Variants in GSPT1 observed in about 807,000 individuals in gnomAD.
GSPT1 encodes G1 to S phase transition 1, also known as eukaryotic peptide chain release factor GTP-binding subunit ERF3A.
Under a neutral mutation model 72.5 loss-of-function variants are expected in GSPT1, and 20 were observed. The observed-to-expected ratio is 0.28, with a 90% CI of 0.19 to 0.40. The LOEUF (loss-of-function observed/expected upper bound fraction) is 0.40. Ranked by LOEUF, GSPT1 falls within the 10% of genes least tolerant of loss-of-function variation. The pLI, the probability that GSPT1 is intolerant of heterozygous loss-of-function variation, is 1.00. For synonymous variants in GSPT1, 334 were observed against 293.5 expected (o/e 1.14, Z -1.41); for missense variants, 580 against 811.9 (o/e 0.71, Z 3.47).
Position 11,870,145 on chromosome 16 carries a change from CTCAG to C in GSPT1, c.*2970_*2973del, listed in dbSNP as rs1166508736. 1.3e-5 allele frequency: 2 copies of C among 151,964 alleles called. No homozygotes were observed. The highest frequency in any genetic ancestry group is 2.4e-5 in the African/African-American group (1 of 41,388). 9.4% of individuals were successfully genotyped at this position (151,964 alleles called of 1,614,324 possible). On this transcript the variant is annotated 3_prime_UTR_variant, in exon 15 of 15. Coordinates refer to ENST00000434724, the MANE Select transcript of GSPT1 (RefSeq NM_002094.4). The stretch of plus-strand genomic sequence containing the variant: ...AAAAAAAAATACATGGGCTTAATTA[CTCAG>C]TAACACTTTACTATTTGTCACTTAA...
At chr16:11,909,071 G>A (rs1411156796) in intron 1 of GSPT1, among the ~76,000 whole-genome samples, 1 of 150,684 alleles carries the variant, frequency 6.6e-6, no homozygotes, top group African/African-American at 2.4e-5. Context: ...AAATTACCCA[G>A]TGACATTCTG....
Position 11,898,032 on chromosome 16 carries a change from G to C in GSPT1, c.356C>G (p.Pro119Arg), listed in dbSNP as rs1388855357. Residue 119 changes from proline to arginine, a missense_variant, in exon 2 of 15, where the codon CCT becomes CGT. Physicochemically the swap from Pro to Arg is moderately radical, Grantham distance 103. Around this residue, in one of 6 missense-constraint regions of GSPT1, gnomAD observed 327 missense variants for 298.8 expected, o/e 1.09. Coordinates refer to ENST00000434724, the MANE Select transcript of GSPT1 (RefSeq NM_002094.4). ...AGSGAGGRAA[P>R]VESSQEEQSL... ...CTGTTCCTCTTGAGAGGATTCCACA[G>C]GTGCTGTTTAACAGAAAGAAGTTCT... is the stretch of plus-strand genomic sequence containing the variant. 7 of 1,541,752 alleles carry C rather than the reference G, an allele frequency of 4.5e-6. No homozygotes were observed. Among genetic ancestry groups the C allele is most frequent in the Non-Finnish European group, 5.3e-6 (6 of 1,137,036 alleles).
In GSPT1 at chr16:11,871,228, A is replaced by G. The variant is rs1208592741; in HGVS notation, c.*1891T>C. The G allele has an allele frequency of 6.6e-6, 1 of 152,206 alleles. No individual in the cohort carries two copies. The highest frequency in any genetic ancestry group is 1.5e-5 in the Non-Finnish European group (1 of 68,036). The allele number at this position is 152,206 out of a possible 1,614,324, so 9.4% of individuals were successfully genotyped here. A position where few individuals can be genotyped will look rare whatever the true frequency, so the allele number is the denominator to read the frequency against. On this transcript the variant is annotated 3_prime_UTR_variant, in exon 15 of 15. Transcript: ENST00000434724. Reference sequence around the variant, plus strand: ...GTAGGACAATAACTTTGCTCTGTCCATAAGATGTAGCCTCATTCAAGAAAT... The same window carrying G: ...GTAGGACAATAACTTTGCTCTGTCCGTAAGATGTAGCCTCATTCAAGAAAT...
At chr16:11,902,215 T>C (rs1204498461) in intron 1 of GSPT1, among the ~76,000 whole-genome samples, 1 of 150,640 alleles carries the variant, frequency 6.6e-6, no homozygotes, top group Non-Finnish European at 1.5e-5. Flanking sequence ...ACCCTGTCTC[T>C]ACTAAAAATA....
At position 11,915,935 on chromosome 16, in the gene GSPT1, C is replaced by T. The variant is rs766695081; in HGVS notation, c.-215G>A. ...GAGGCGGCGGCGGCGGCAGCTCAAC[C>T]CTCCTCCTCGTGTGTGTGAGCGGAT... On this transcript the variant is annotated 5_prime_UTR_variant, in exon 1 of 15. Coordinates refer to ENST00000434724, the MANE Select transcript of GSPT1 (RefSeq NM_002094.4). 5.6e-5 allele frequency: 42 copies of T among 754,436 alleles called. 1 individual carries two copies. The East Asian group carries it at 9.0e-4, about 16-fold the overall frequency. The allele number at this position is 754,436 out of a possible 1,614,324, so 46.7% of individuals were successfully genotyped here.
At chr16:11,911,888 A>G (rs190461) in intron 1 of GSPT1, among the ~76,000 whole-genome samples, 27,676 of 75,546 alleles carry the variant, frequency 0.37, 4,896 homozygotes, top group East Asian at 0.7. Context: ...TTTTTTGTGG[A>G]GACAGGGTCT....
intron 1 of GSPT1, 189 bp downstream of exon 1, chr16:11,915,180 G>A: frequency 9.6e-7 from 1 of 1,045,798 alleles, no homozygotes; most frequent in Non-Finnish European, 1.1e-6. Context: ...CTCCCCGCCC[G>A]GCCACCGCCG....
intron 1 of GSPT1, among the ~76,000 whole-genome samples, chr16:11,906,037 G>C (rs2054484977): frequency 6.6e-6 from 1 of 151,994 alleles, no homozygotes; most frequent in Non-Finnish European, 1.5e-5. Context: ...GTTTTCCTTT[G>C]ATTTTCACAC....
intron 1 of GSPT1, among the ~76,000 whole-genome samples, chr16:11,906,851 T>C (rs2054496401): frequency 6.6e-6 from 1 of 152,158 alleles, no homozygotes; most frequent in African/African-American, 2.4e-5. Context: ...ATTTTTTTAA[T>C]GTAAATCCCT....
intron 1 of GSPT1, among the ~76,000 whole-genome samples, chr16:11,904,689 A>C (rs1258781880): frequency 6.6e-6 from 1 of 152,114 alleles, no homozygotes; most frequent in African/African-American, 2.4e-5. Context: ...GTTTTGATTC[A>C]AGTTACATGT....
At chr16:11,889,248 C>A (rs1403274979) in intron 6 of GSPT1, among the ~76,000 whole-genome samples, 1 of 150,052 alleles carries the variant, frequency 6.7e-6, no homozygotes, top group Non-Finnish European at 1.5e-5. Context: ...GTGGAGCTTG[C>A]AGTGAGTGGA....
At chr16:11,893,083 G>C (rs1220424745) in intron 5 of GSPT1, among the ~76,000 whole-genome samples, 1 of 151,352 alleles carries the variant, frequency 6.6e-6, no homozygotes, top group Non-Finnish European at 1.5e-5. Flanking sequence ...TTTGTTTTTT[G>C]TTTTTGTTTG....
chr16:11,903,780 T>C (rs1336496578), intron 1 of GSPT1: 2 of 152,270 alleles, frequency 1.3e-5, no homozygotes, highest in Non-Finnish European at 2.9e-5. Flanking sequence ...TTGTTCACTT[T>C]AAAATGGCTT....
chr16:11,878,520 G>C (rs2054076160), intron 11 of GSPT1, among the ~76,000 whole-genome samples: 1 of 151,528 alleles, frequency 6.6e-6, no homozygotes, highest in Admixed American at 6.6e-5. Flanking sequence ...TTGAGCCCAG[G>C]TGTTTTAAGG....
chr16:11,884,296 T>C (rs1266133372), intron 10 of GSPT1, among the ~76,000 whole-genome samples: 1 of 152,180 alleles, frequency 6.6e-6, no homozygotes, highest in African/African-American at 2.4e-5. Context: ...TCAACTTTAA[T>C]AAGAAAATCC....
At chr16:11,884,371 C>T (rs892333456) in intron 10 of GSPT1, among the ~76,000 whole-genome samples, 2 of 152,276 alleles carry the variant, frequency 1.3e-5, no homozygotes, top group East Asian at 3.9e-4. Flanking sequence ...CATCGGGAAA[C>T]AGCTAAAATA....
chr16:11,883,622 A>G (rs1443980894), intron 10 of GSPT1, among the ~76,000 whole-genome samples: 1 of 149,336 alleles, frequency 6.7e-6, no homozygotes, highest in African/African-American at 2.5e-5. Flanking sequence ...TCTGTCTCAA[A>G]AAAAAAAAAA....
rs2053994619 is a variant in GSPT1, at chr16:11,872,913, A to G, written c.*206T>C. On this transcript the variant is annotated 3_prime_UTR_variant, in exon 15 of 15. Coordinates refer to ENST00000434724, the MANE Select transcript of GSPT1 (RefSeq NM_002094.4). ...AGAGTTTGAAGTGAGGGCTAGGGAC[A>G]GGAATCTTGGGAAAAATTCAACAGT... is the stretch of plus-strand genomic sequence containing the variant. 1 of 469,246 alleles carries G rather than the reference A, an allele frequency of 2.1e-6. No individual in the cohort carries two copies. Among genetic ancestry groups the G allele is most frequent in the Non-Finnish European group, 3.9e-6 (1 of 258,586 alleles). 29.1% of individuals were successfully genotyped at this position (469,246 alleles called of 1,614,324 possible).
chr16:11,900,081 C>G (rs561496254), intron 1 of GSPT1, among the ~76,000 whole-genome samples: 2 of 152,260 alleles, frequency 1.3e-5, no homozygotes, highest in Non-Finnish European at 2.9e-5. Flanking sequence ...CACCTGTAAT[C>G]CCAACACTTT....
Sources: gnomAD v4.1 joint callset for allele counts (sites outside exome capture counted in the v4.1 genomes callset) on GRCh38, gnomAD v4.1.1 for gene constraint, gnomAD v4.1.1 regional missense constraint, MANE v1.5 for transcripts, NCBI Gene and HGNC (gene_info 2026-07-23, HGNC 2026-07-21) for gene names.